TOX: variants seen among roughly 807,000 people sequenced by gnomAD.
The protein encoded by TOX is thymocyte selection associated high mobility group box, also known as thymocyte selection-associated high mobility group box protein TOX.
A neutral mutation model predicts 53.7 loss-of-function variants in TOX; 11 were observed. The ratio of observed to expected loss-of-function variants is 0.20; its 90% CI spans 0.13 to 0.34. TOX has a LOEUF of 0.34. TOX is among the 10% of genes least tolerant of loss of function. TOX has a pLI of 1.00. For missense variants in TOX, 570 were observed against 664.6 expected, an observed-to-expected ratio of 0.86 and a Z score of 1.56; for synonymous variants, 225 against 245.3, an observed-to-expected ratio of 0.92 and a Z score of 0.77.
intron 1 of TOX, among the ~76,000 whole-genome samples, chr8:59,027,349 A>T (rs16924486): frequency 0.041 from 6,270 of 152,194 alleles, 194 homozygotes; most frequent in Middle Eastern, 0.12. Context: ...CTTCAGATTT[A>T]AAAAAAGTGT....
intron 1 of TOX, among the ~76,000 whole-genome samples, chr8:58,983,657 A>G (rs1169325210): frequency 1.3e-5 from 2 of 152,230 alleles, no homozygotes; most frequent in Non-Finnish European, 2.9e-5. Context: ...AGAATGTCAA[A>G]TCAATTTTGG....
intron 1 of TOX, among the ~76,000 whole-genome samples, chr8:59,000,588 T>A (rs1813672333): frequency 6.6e-6 from 1 of 152,168 alleles, no homozygotes; most frequent in Non-Finnish European, 1.5e-5. Context: ...ATCTTTTAAT[T>A]TCACTACCAG....
At chr8:58,848,192 G>T (rs1024510831) in intron 4 of TOX, among the ~76,000 whole-genome samples, 2 of 151,966 alleles carry the variant, frequency 1.3e-5, no homozygotes, top group Admixed American at 6.6e-5. Flanking sequence ...GTAAATTTTA[G>T]ACCTCTATAT....
chr8:58,853,871 C>T (rs543260878), intron 3 of TOX, among the ~76,000 whole-genome samples: 99 of 152,230 alleles, frequency 6.5e-4, no homozygotes, highest in African/African-American at 2.3e-3. Context: ...ACAGAGGGTA[C>T]CATGAAAATT....
At position 59,021,121 on chromosome 8, in the gene TOX, A is replaced by AAT. The variant is rs1263979387; in HGVS notation, c.103-61114_103-61113insAT. 2.6e-5 allele frequency among the ~76,000 whole-genome samples: 4 copies of AAT among 151,406 alleles called. No individual in the cohort carries two copies. In the East Asian group the frequency reaches 7.8e-4, roughly 29 times the overall value. ...CAGACCCTGTCTCAAAAAAAAAAAA[A>AAT]AAAAAAGAGTTGTAAAATTTAATTT... is the stretch of plus-strand genomic sequence containing the variant. On this transcript the variant is annotated intron_variant, in intron 1 of 8. Transcript: ENST00000361421.
chr8:58,938,573 G>A (rs1321355389), intron 3 of TOX, among the ~76,000 whole-genome samples: 1 of 152,102 alleles, frequency 6.6e-6, no homozygotes, highest in Non-Finnish European at 1.5e-5. Context: ...ATAAAAATCA[G>A]AAGGAAAGAT....
intron 1 of TOX, among the ~76,000 whole-genome samples, chr8:59,017,547 T>C (rs1403193162): frequency 6.6e-6 from 1 of 152,194 alleles, no homozygotes; most frequent in African/African-American, 2.4e-5. Flanking sequence ...TGAGATAATT[T>C]TCATAGAGAT....
At chr8:58,853,965 G>GT (rs1257558067) in intron 3 of TOX, among the ~76,000 whole-genome samples, 1 of 152,120 alleles carries the variant, frequency 6.6e-6, no homozygotes, top group East Asian at 1.9e-4. Flanking sequence ...CTCAAGTCCT[G>GT]TATGTTTTTA....
rs114097259 is a variant in TOX, at chr8:58,986,466, C to T, written c.103-26458G>A. ...AAGCAACGTGGATCGAATAAACCTC[C>T]AGAGTCAGGAAGTGATTGGAGGGAT... On this transcript the variant is annotated intron_variant, in intron 1 of 8. Transcript: ENST00000361421. Among the ~76,000 whole-genome samples, 629 of 152,298 alleles carry T rather than the reference C, an allele frequency of 4.1e-3. 4 individuals are homozygous for T. The highest frequency in any genetic ancestry group is 0.014 in the African/African-American group (593 of 41,554).
intron 1 of TOX, among the ~76,000 whole-genome samples, chr8:59,013,249 G>A (rs937494449): frequency 2.6e-5 from 4 of 152,086 alleles, no homozygotes; most frequent in Non-Finnish European, 4.4e-5. Context: ...TGATACAACT[G>A]TTCAGCAACA....
chr8:58,828,188 A>G (rs1236953369), intron 5 of TOX, among the ~76,000 whole-genome samples: 1 of 152,216 alleles, frequency 6.6e-6, no homozygotes, highest in Non-Finnish European at 1.5e-5. Flanking sequence ...CAGCTATGAA[A>G]TTCGAGATGT....
chr8:58,933,770 G>A (rs1268366044), intron 3 of TOX, among the ~76,000 whole-genome samples: 1 of 152,070 alleles, frequency 6.6e-6, no homozygotes, highest in African/African-American at 2.4e-5. Flanking sequence ...TCTTCTTGGG[G>A]GCAGAACATT....
At chr8:59,092,282 T>A (rs1226195866) in intron 1 of TOX, among the ~76,000 whole-genome samples, 1 of 108,394 alleles carries the variant, frequency 9.2e-6, no homozygotes, top group African/African-American at 3.8e-5. Flanking sequence ...TATATATATA[T>A]TATATATACA....
At chr8:58,835,905 C>T (rs1429678943) in intron 5 of TOX, among the ~76,000 whole-genome samples, 1 of 152,168 alleles carries the variant, frequency 6.6e-6, no homozygotes, top group Non-Finnish European at 1.5e-5. Context: ...AACAATACTC[C>T]TAGTTCAGTC....
At chr8:59,104,759 GAGT>G (rs1296104738) in intron 1 of TOX, among the ~76,000 whole-genome samples, 2 of 152,112 alleles carry the variant, frequency 1.3e-5, no homozygotes, top group African/African-American at 4.8e-5. Flanking sequence ...AAAAAATTAG[GAGT>G]AACTTTCCCC....
At chr8:58,960,091 C>T in intron 1 of TOX, 83 bp from the exon 2 acceptor site, 1 of 1,470,548 alleles carries the variant, frequency 6.8e-7, no homozygotes. Context: ...TGTTTTTTAA[C>T]CATCAAACTG....
At chr8:58,875,415 T>G (rs550727502) in intron 3 of TOX, among the ~76,000 whole-genome samples, 22 of 152,298 alleles carry the variant, frequency 1.4e-4, no homozygotes, top group African/African-American at 5.3e-4. Flanking sequence ...AGTAATTTAA[T>G]AGTTAACTTT....
intron 6 of TOX, among the ~76,000 whole-genome samples, chr8:58,826,436 C>A (rs1157879127): frequency 6.6e-6 from 1 of 152,174 alleles, no homozygotes. Flanking sequence ...CTGCTTACCT[C>A]CTAATGCTGC....
At chr8:59,059,375 A>C (rs1803939069) in intron 1 of TOX, among the ~76,000 whole-genome samples, 1 of 152,178 alleles carries the variant, frequency 6.6e-6, no homozygotes, top group Non-Finnish European at 1.5e-5. Context: ...CCGGAAGAAA[A>C]TAATTTAATT....
Sources: gnomAD v4.1 joint callset for allele counts (sites outside exome capture counted in the v4.1 genomes callset) on GRCh38, gnomAD v4.1.1 for gene constraint, MANE v1.5 for transcripts, NCBI Gene and HGNC (gene_info 2026-07-23, HGNC 2026-07-21) for gene names.